The following UBE2F variants were observed in gnomAD, a reference collection of about 807,000 sequenced individuals.
UBE2F encodes the protein NEDD8-conjugating enzyme UBE2F.
A neutral mutation model predicts 29.6 loss-of-function variants in UBE2F; 5 were observed. That is an observed-to-expected ratio of 0.17 (90% CI 0.09 to 0.36). The LOEUF is 0.36. Ranked by LOEUF, UBE2F falls within the 10% of genes least tolerant of loss-of-function variation. The probability of loss-of-function intolerance (pLI) is 1.00; values close to 1 mark genes in which losing one functional copy is unlikely to be tolerated. For missense variants in UBE2F, 141 were observed against 228.5 expected, an observed-to-expected ratio of 0.62 and a Z score of 2.47; for synonymous variants, 66 against 81.8, an observed-to-expected ratio of 0.81 and a Z score of 1.04.
chr2:237,999,193 A>G (rs2063745195), intron 4 of UBE2F, among the ~76,000 whole-genome samples: 1 of 151,780 alleles, frequency 6.6e-6, no homozygotes, highest in Non-Finnish European at 1.5e-5. Context: ...GGCGATTCTC[A>G]GGCCTCAGCC....
chr2:237,967,078 G>A lies in UBE2F; in HGVS notation c.-71G>A, dbSNP rs758276985. On this transcript the variant is annotated 5_prime_UTR_variant, in exon 1 of 10. Transcript: ENST00000272930. This position sits in a 1 kb window ranked among gnomAD's most constrained non-coding sequence, Gnocchi z 6.3. ...GGGCCGCGTCTCGCAGCAGCCGCCC[G>A]GACCGGGCATGGTGTTGGGCGCCGG... 4 of 1,334,888 alleles carry A rather than the reference G, an allele frequency of 3.0e-6. No individual in the cohort carries two copies. Among genetic ancestry groups the A allele is most frequent in the South Asian group, 1.8e-5 (1 of 55,406 alleles). The allele number at this position is 1,334,888 out of a possible 1,614,324, so 82.7% of individuals were successfully genotyped here. A position where few individuals can be genotyped will look rare whatever the true frequency, so the allele number is the denominator to read the frequency against.
intron 1 of UBE2F, among the ~76,000 whole-genome samples, chr2:237,968,199 G>GGA (rs141359222): frequency 5.3e-5 from 8 of 151,942 alleles, no homozygotes; most frequent in African/African-American, 9.7e-5. Flanking sequence ...CATAGAGGTG[G>GGA]GAGAGAGAGA....
chr2:238,006,166 G>A lies in UBE2F; in HGVS notation c.215-10400G>A, dbSNP rs1371634595. On this transcript the variant is annotated intron_variant, in intron 4 of 9. Coordinates refer to ENST00000272930, the MANE Select transcript of UBE2F (RefSeq NM_080678.3). ...GCATCAGGAAGCTTATAATCCTAGC[G>A]GAAGGCAAAGTGGAGCCGGCATATC... 4.6e-5 allele frequency among the ~76,000 whole-genome samples: 7 copies of A among 152,202 alleles called. No individual in the cohort carries two copies. In the South Asian group the frequency reaches 6.2e-4, roughly 13 times the overall value.
At chr2:238,002,371 A>G (rs1422220038) in intron 4 of UBE2F, among the ~76,000 whole-genome samples, 1 of 152,166 alleles carries the variant, frequency 6.6e-6, no homozygotes, top group Non-Finnish European at 1.5e-5. Flanking sequence ...TGCACCCACT[A>G]ACTCATCATC....
rs1438589045 is a variant in UBE2F at position 238,042,534 on chromosome 2, T to C, written c.*1196T>C. Reference sequence around the variant, plus strand: ...CCTGAAGAGAGGCAAGTGGATTTACTCCAGCATGTAGACATTTGAACCAGT... The same window carrying C: ...CCTGAAGAGAGGCAAGTGGATTTACCCCAGCATGTAGACATTTGAACCAGT... On this transcript the variant is annotated 3_prime_UTR_variant, in exon 10 of 10. Coordinates refer to ENST00000272930, the MANE Select transcript of UBE2F (RefSeq NM_080678.3). 3 of 152,216 alleles carry C rather than the reference T, an allele frequency of 2.0e-5. No individual in the cohort carries two copies. 9.4% of individuals were successfully genotyped at this position (152,216 alleles called of 1,614,324 possible).
At chr2:238,031,156 C>T (rs1330660129) in intron 7 of UBE2F, among the ~76,000 whole-genome samples, 1 of 152,218 alleles carries the variant, frequency 6.6e-6, no homozygotes, top group Non-Finnish European at 1.5e-5. Flanking sequence ...GTAGTCTCTG[C>T]CACCATGGGC....
In UBE2F at chr2:237,967,041, T is replaced by G. The variant is rs1211410617; in HGVS notation, c.-108T>G. The G allele has an allele frequency of 2.3e-6, 3 of 1,297,150 alleles. No individual in the cohort carries two copies. The highest frequency in any genetic ancestry group is 2.9e-6 in the Non-Finnish European group (3 of 1,021,742). The allele number at this position is 1,297,150 out of a possible 1,614,324, so 80.4% of individuals were successfully genotyped here. A position where few individuals can be genotyped will look rare whatever the true frequency, so the allele number is the denominator to read the frequency against. On this transcript the variant is annotated 5_prime_UTR_variant, in exon 1 of 10. Transcript: ENST00000272930. This position sits in a 1 kb window ranked among gnomAD's most constrained non-coding sequence, Gnocchi z 6.3. ...TTCCGGTCCCGCCGCCGGGAGCCGGTGCGGCTGTGAGGGGCCGCGTCTCGC... is the reference window on the plus strand; with the variant it reads ...TTCCGGTCCCGCCGCCGGGAGCCGGGGCGGCTGTGAGGGGCCGCGTCTCGC...
At chr2:238,005,577 T>C (rs1359063198) in intron 4 of UBE2F, among the ~76,000 whole-genome samples, 2 of 150,158 alleles carry the variant, frequency 1.3e-5, no homozygotes, top group African/African-American at 4.9e-5. Flanking sequence ...TTTTCACATA[T>C]TATACAAGAG....
intron 1 of UBE2F, among the ~76,000 whole-genome samples, chr2:237,969,988 T>C (rs2063140562): frequency 1.3e-5 from 2 of 152,226 alleles, no homozygotes; most frequent in South Asian, 4.1e-4. Flanking sequence ...GTCAACTTTA[T>C]TGAGGCGTAA....
At chr2:237,983,722 A>G (rs527740290) in intron 2 of UBE2F, among the ~76,000 whole-genome samples, 5 of 152,038 alleles carry the variant, frequency 3.3e-5, no homozygotes, top group East Asian at 3.9e-4. Context: ...TCTGGGTTCC[A>G]TCTCTCTTCC....
intron 9 of UBE2F, among the ~76,000 whole-genome samples, chr2:238,038,932 G>A (rs1380075652): frequency 1.3e-5 from 2 of 152,210 alleles, no homozygotes; most frequent in African/African-American, 2.4e-5. Context: ...AGGAGGAGGC[G>A]GAGCATAGGT....
intron 4 of UBE2F, among the ~76,000 whole-genome samples, chr2:238,009,945 C>T (rs1559217028): frequency 6.6e-6 from 1 of 152,144 alleles, no homozygotes; most frequent in Non-Finnish European, 1.5e-5. Flanking sequence ...CCCATCATCA[C>T]AGTTTTTTGT....
At chr2:238,032,468 A>T in intron 8 of UBE2F, 2 of 514,160 alleles carry the variant, frequency 3.9e-6, no homozygotes, top group South Asian at 5.0e-5. Context: ...TAGAAAAATT[A>T]GTTGGGCATA....
intron 6 of UBE2F, among the ~76,000 whole-genome samples, chr2:238,028,680 G>GT (rs1193934997): frequency 4.0e-5 from 6 of 151,878 alleles, no homozygotes; most frequent in African/African-American, 1.5e-4. Flanking sequence ...TTAGTTATCT[G>GT]TTTTTTTTAA....
Position 237,973,145 on chromosome 2 carries a change from G to A in UBE2F, c.38G>A (p.Gly13Asp). 6.2e-7 allele frequency: 1 copy of A among 1,613,942 alleles called. No individual in the cohort carries two copies. Among genetic ancestry groups the A allele is most frequent in the Non-Finnish European group, 8.5e-7 (1 of 1,179,830 alleles). Reference protein sequence around the residue: ...TLASKLKRDDGLKGSRTAATA... With the variant: ...TLASKLKRDDDLKGSRTAATA... ...GCAAGTAAACTGAAGCGTGACGATGGTCTCAAAGGGTCCCGGACGGCAGCC... is the reference window on the plus strand; with the variant it reads ...GCAAGTAAACTGAAGCGTGACGATGATCTCAAAGGGTCCCGGACGGCAGCC... Residue 13 changes from glycine (G) to aspartate (D), a missense_variant, in exon 2 of 10, where the codon GGT becomes GAT. Physicochemically the swap from Gly to Asp is moderately conservative, Grantham distance 94. Coordinates refer to ENST00000272930, the MANE Select transcript of UBE2F (RefSeq NM_080678.3).
At chr2:238,031,322 T>C (rs1198776681) in intron 7 of UBE2F, among the ~76,000 whole-genome samples, 3 of 152,230 alleles carry the variant, frequency 2.0e-5, no homozygotes, top group Non-Finnish European at 4.4e-5. Flanking sequence ...CTCAGATGGC[T>C]GTCATTGCCT....
intron 9 of UBE2F, among the ~76,000 whole-genome samples, chr2:238,037,207 G>A (rs150173547): frequency 1.0e-3 from 155 of 152,256 alleles, no homozygotes; most frequent in African/African-American, 3.7e-3. Context: ...AAGGAAGACC[G>A]TTTACCTAGA....
At chr2:238,028,968 T>C (rs1321668693) in intron 6 of UBE2F, 7 of 152,184 alleles carry the variant, frequency 4.6e-5, no homozygotes, top group African/African-American at 1.7e-4. Flanking sequence ...TTTAAAATTA[T>C]TTAAAATTTT....
intron 5 of UBE2F, among the ~76,000 whole-genome samples, chr2:238,020,351 T>C (rs2064263505): frequency 6.6e-6 from 1 of 152,074 alleles, no homozygotes; most frequent in African/African-American, 2.4e-5. Context: ...GAAAATCACA[T>C]AGGCACAGGC....
Sources: gnomAD v4.1 joint callset for allele counts (sites outside exome capture counted in the v4.1 genomes callset) on GRCh38, gnomAD v4.1.1 for gene constraint, Gnocchi (gnomAD v3.1) non-coding constraint, MANE v1.5 for transcripts, NCBI Gene and HGNC (gene_info 2026-07-23, HGNC 2026-07-21) for gene names.